The following SIPA1L2 variants were observed in gnomAD, a reference collection of about 807,000 sequenced individuals.
The protein encoded by SIPA1L2 is signal-induced proliferation-associated 1-like protein 2.
SIPA1L2 carries 56 observed loss-of-function variants against 163.9 expected under a neutral mutation model. The observed-to-expected ratio is 0.34, with a 90% CI of 0.28 to 0.43. SIPA1L2 has a LOEUF of 0.43. Among genes scored for constraint, SIPA1L2 ranks in the 20% least tolerant of loss-of-function variants. The probability of loss-of-function intolerance (pLI) is 1.00; values close to 1 mark genes in which losing one functional copy is unlikely to be tolerated. For missense variants in SIPA1L2, 1,974 were observed against 2,193.5 expected (o/e 0.90, Z 2.00); for synonymous variants, 877 against 865.7 (o/e 1.01, Z -0.23).
At chr1:232,605,922 T>C (rs941007657) in intron 1 of SIPA1L2, among the ~76,000 whole-genome samples, 1 of 152,214 alleles carries the variant, frequency 6.6e-6, no homozygotes, top group African/African-American at 2.4e-5. Flanking sequence ...TGCTTTCTGA[T>C]CCATCAGACA....
chr1:232,584,576 T>G (rs1363697625), intron 1 of SIPA1L2, among the ~76,000 whole-genome samples: 1 of 152,222 alleles, frequency 6.6e-6, no homozygotes, highest in African/African-American at 2.4e-5. Flanking sequence ...TTCTGAAGGC[T>G]CTCATGTGAT....
intron 1 of SIPA1L2, among the ~76,000 whole-genome samples, 141 bp from the exon 2 acceptor site, chr1:232,574,363 C>A (rs1438103007): frequency 6.6e-6 from 1 of 152,102 alleles, no homozygotes; most frequent in Admixed American, 6.6e-5. Flanking sequence ...TTTATCTTTT[C>A]TACTCTTCTT....
intron 2 of SIPA1L2, among the ~76,000 whole-genome samples, chr1:232,527,436 G>A (rs1667760478): frequency 6.6e-6 from 1 of 152,090 alleles, no homozygotes; most frequent in Non-Finnish European, 1.5e-5. Flanking sequence ...AATTCACTAG[G>A]CACAGGGAGC....
intron 4 of SIPA1L2, among the ~76,000 whole-genome samples, chr1:232,492,037 G>A (rs1665957143): frequency 6.6e-6 from 1 of 152,114 alleles, no homozygotes; most frequent in Non-Finnish European, 1.5e-5. Flanking sequence ...GTAGCCACCT[G>A]TGGCTAGTGA....
chr1:232,427,357 C>A (rs1157346317), intron 17 of SIPA1L2, among the ~76,000 whole-genome samples: 1 of 152,186 alleles, frequency 6.6e-6, no homozygotes, highest in Non-Finnish European at 1.5e-5. Context: ...GAGTGTTGTT[C>A]TAAAAACACA....
chr1:232,601,700 C>T (rs1384068173), intron 1 of SIPA1L2, among the ~76,000 whole-genome samples: 1 of 152,170 alleles, frequency 6.6e-6, no homozygotes, highest in Non-Finnish European at 1.5e-5. Flanking sequence ...ACCCCCAACA[C>T]ACCAAACGCC....
chr1:232,592,124 CAGAGAAA>C (rs1483213423), intron 1 of SIPA1L2, among the ~76,000 whole-genome samples: 1 of 148,986 alleles, frequency 6.7e-6, no homozygotes, highest in Non-Finnish European at 1.5e-5. Flanking sequence ...AATAAACTAC[CAGAGAAA>C]AGAGAGGAAA....
intron 1 of SIPA1L2, among the ~76,000 whole-genome samples, chr1:232,576,968 G>C (rs1023012043): frequency 6.6e-6 from 1 of 152,152 alleles, no homozygotes; most frequent in Non-Finnish European, 1.5e-5. Context: ...GAGGTACAAG[G>C]AGAGCTACAC....
intron 7 of SIPA1L2, among the ~76,000 whole-genome samples, chr1:232,475,961 G>T (rs1293098206): frequency 6.6e-6 from 1 of 152,112 alleles, no homozygotes; most frequent in Non-Finnish European, 1.5e-5. Flanking sequence ...CCTACTTAGG[G>T]TCTGGGAATA....
chr1:232,614,726 G>A (rs544039160), intron 1 of SIPA1L2, among the ~76,000 whole-genome samples: 15 of 152,314 alleles, frequency 9.8e-5, no homozygotes, highest in East Asian at 5.8e-4. Context: ...TGCAACTTTC[G>A]AATTATCAAA....
chr1:232,468,720 T>C (rs1236856674), intron 8 of SIPA1L2, among the ~76,000 whole-genome samples: 2 of 152,242 alleles, frequency 1.3e-5, no homozygotes, highest in Non-Finnish European at 2.9e-5. Context: ...TCATTTTCTA[T>C]AGGTATCTCT....
intron 19 of SIPA1L2, among the ~76,000 whole-genome samples, chr1:232,406,612 T>C (rs1660648018): frequency 6.6e-6 from 1 of 151,942 alleles, no homozygotes; most frequent in African/African-American, 2.4e-5. Flanking sequence ...TGGGGGTGAA[T>C]GGTCTGATCA....
rs147045172 is a variant in SIPA1L2, at chr1:232,599,945, G to A, written c.-318-25723C>T. ...AGTATGTTACCCAGACCTAACTGAT[G>A]AAAAATTTAGCAACTAATTTACGAA... On this transcript the variant is annotated intron_variant, in intron 1 of 22. Coordinates refer to ENST00000674635, the MANE Select transcript of SIPA1L2 (RefSeq NM_020808.5). 2.4e-3 allele frequency among the ~76,000 whole-genome samples: 360 copies of A among 152,332 alleles called. 3 individuals carry two copies. The highest frequency in any genetic ancestry group is 7.1e-3 in the African/African-American group (296 of 41,566).
At chr1:232,599,541 T>C (rs1319671815) in intron 1 of SIPA1L2, among the ~76,000 whole-genome samples, 2 of 143,926 alleles carry the variant, frequency 1.4e-5, no homozygotes, top group Non-Finnish European at 3.1e-5. Context: ...CAATCCACAG[T>C]GCAGATCCTG....
intron 5 of SIPA1L2, among the ~76,000 whole-genome samples, chr1:232,487,448 G>A (rs1167546630): frequency 1.3e-5 from 2 of 152,122 alleles, no homozygotes; most frequent in Non-Finnish European, 2.9e-5. Context: ...ATATATCTGG[G>A]GTGAGAGGAC....
chr1:232,528,103 A>ATATATATATATAG (rs1558246735), intron 2 of SIPA1L2, among the ~76,000 whole-genome samples: 1 of 51,714 alleles, frequency 1.9e-5, no homozygotes, highest in African/African-American at 7.8e-5. Flanking sequence ...TATATATATA[A>ATATATATATATAG]TCAACTTTCT....
intron 2 of SIPA1L2, among the ~76,000 whole-genome samples, chr1:232,548,571 A>T (rs562612927): frequency 2.0e-5 from 3 of 152,342 alleles, no homozygotes; most frequent in East Asian, 3.9e-4. Context: ...TGTACTAATA[A>T]ATTCAATCAA....
At chr1:232,451,809 G>C (rs1001029707) in intron 10 of SIPA1L2, among the ~76,000 whole-genome samples, 4 of 151,970 alleles carry the variant, frequency 2.6e-5, no homozygotes, top group African/African-American at 9.7e-5. Flanking sequence ...CATAACAAAT[G>C]TACACATCAT....
rs1374247987 is a variant in SIPA1L2, at chr1:232,480,142, TGTGTGTGTGTGC to T, written c.1982-424_1982-413del. On this transcript the variant is annotated intron_variant, in intron 6 of 22. Transcript: ENST00000674635. Reference sequence around the variant, plus strand: ...CTGGCAGATGGCCTGGCCGCATCTGTGTGTGTGTGTGCGTGTGTGTGTGTGTGTGTGTGTGTG... The same window carrying T: ...CTGGCAGATGGCCTGGCCGCATCTGTGTGTGTGTGTGTGTGTGTGTGTGTG... Among the ~76,000 whole-genome samples the T allele has an allele frequency of 2.2e-3, 297 of 136,118 alleles. 2 individuals are homozygous for T. The highest frequency in any genetic ancestry group is 9.1e-3 in the African/African-American group (290 of 31,888). 89.3% of individuals were successfully genotyped at this position (136,118 alleles called of 152,430 possible). A position where few individuals can be genotyped will look rare whatever the true frequency, so the allele number is the denominator to read the frequency against.
Sources: allele counts gnomAD v4.1 joint callset (sites outside exome capture counted in the v4.1 genomes callset), GRCh38; gene constraint gnomAD v4.1.1; transcripts MANE v1.5; gene names NCBI Gene and HGNC (gene_info 2026-07-23, HGNC 2026-07-21).